The following PLEKHB1 variants were observed in gnomAD, a reference collection of about 807,000 sequenced individuals.
PLEKHB1 encodes the protein pleckstrin homology domain-containing family B member 1.
In PLEKHB1, 29 loss-of-function variants were observed where a neutral mutation model predicts 36.2. That is an observed-to-expected ratio of 0.80 (90% CI 0.60 to 1.09). The LOEUF (loss-of-function observed/expected upper bound fraction) is 1.09. PLEKHB1 is among the 50% of genes least tolerant of loss of function. The probability of loss-of-function intolerance (pLI) is 0.00; values close to 1 mark genes in which losing one functional copy is unlikely to be tolerated. For synonymous variants in PLEKHB1, 138 were observed against 140.0 expected (o/e 0.99, Z 0.10); for missense variants, 330 against 348.2 (o/e 0.95, Z 0.42).
intron 7 of PLEKHB1, 131 bp downstream of exon 7, chr11:73,660,983 T>C: frequency 1.2e-6 from 1 of 815,658 alleles, no homozygotes. Context: ...GGCAGAACTC[T>C]CCGCAAGCCC....
In PLEKHB1 at chr11:73,655,826, T is replaced by C. The variant is rs115623364; in HGVS notation, c.414T>C (p.Pro138=). ...STPAPAGATV[P]PRSRRVCSKV... is the part of the protein sequence containing the mutation. ...AGGCCCCAGCTGGAGCCACCGTCCC[T>C]CCCAGGAGCCGCCGGGTTTGCTCCA... The change falls in exon 6 of 8, where the codon CCT becomes CCC. Residue 138 remains proline (P), a synonymous_variant. Transcript: ENST00000354190. The C allele has an allele frequency of 1.2e-4, 189 of 1,613,556 alleles. No individual in the cohort carries two copies. The African/African-American group carries it at 2.3e-3, about 20-fold the overall frequency.
chr11:73,660,683 A>C (rs1945087105), intron 6 of PLEKHB1, 70 bp from the exon 7 acceptor site: 2 of 1,433,612 alleles, frequency 1.4e-6, no homozygotes, highest in African/African-American at 2.8e-5. Flanking sequence ...GGCCTGTGCC[A>C]GGCGTGGGGG....
At chr11:73,651,694 C>T (rs1944897763) in intron 3 of PLEKHB1, 94 bp from the exon 4 acceptor site, 5 of 972,348 alleles carry the variant, frequency 5.1e-6, no homozygotes, top group Non-Finnish European at 7.9e-6. Context: ...GTAAACAGAG[C>T]CCAGAGAAGT....
intron 6 of PLEKHB1, among the ~76,000 whole-genome samples, chr11:73,657,869 C>T (rs545429219): frequency 2.0e-5 from 3 of 152,212 alleles, no homozygotes; most frequent in South Asian, 2.1e-4. Flanking sequence ...CACTGACTTA[C>T]GACATTGCTT....
chr11:73,659,108 C>A (rs571454564), intron 6 of PLEKHB1, among the ~76,000 whole-genome samples: 1 of 152,110 alleles, frequency 6.6e-6, no homozygotes, highest in African/African-American at 2.4e-5. Context: ...AACCTGTAAT[C>A]TCAGTTACCT....
At chr11:73,648,681 C>G in intron 1 of PLEKHB1, 1 of 1,048,114 alleles carries the variant, frequency 9.5e-7, no homozygotes, top group African/African-American at 1.7e-5. Flanking sequence ...CTGCCTGCCT[C>G]ACAGACACAC....
intron 5 of PLEKHB1, among the ~76,000 whole-genome samples, chr11:73,654,724 A>T (rs1207167143): frequency 6.6e-6 from 1 of 152,202 alleles, no homozygotes; most frequent in Non-Finnish European, 1.5e-5. Context: ...TTATGCACAT[A>T]TGCATGCGTC....
chr11:73,661,517 G>A lies in PLEKHB1; in HGVS notation c.647G>A (p.Gly216Asp), dbSNP rs778926245. Residue 216 changes from glycine to aspartate, a missense_variant, in exon 8 of 8, where the codon GGC becomes GAC. Transcript: ENST00000354190. This position sits in a 1 kb window ranked among gnomAD's most constrained non-coding sequence, Gnocchi z 4.6. Reference protein sequence around the residue: ...IVREDPCYSAGAPLAMGMLAG... With the variant: ...IVREDPCYSADAPLAMGMLAG... ...CGGGAGGATCCCTGCTACAGCGCCGGCGCCCCTCTGGCCATGGGCATGCTT... is the reference window on the plus strand; with the variant it reads ...CGGGAGGATCCCTGCTACAGCGCCGACGCCCCTCTGGCCATGGGCATGCTT... 1 of 1,613,498 alleles carries A rather than the reference G, an allele frequency of 6.2e-7. No homozygotes were observed. Among genetic ancestry groups the A allele is most frequent in the South Asian group, 1.1e-5 (1 of 91,076 alleles).
Position 73,650,708 on chromosome 11 carries a change from GAGC to G in PLEKHB1, c.247+6_247+8del. 4.4e-6 allele frequency: 7 copies of G among 1,598,596 alleles called. No homozygotes were observed. Among genetic ancestry groups the G allele is most frequent in the Non-Finnish European group, 6.0e-6 (7 of 1,172,418 alleles). ...AAAGATCGGCCCAGAGTGCCATGGTGAGCAGAAGCCCCTTCCTCTGTGGCACCG... is the reference window on the plus strand; with the variant it reads ...AAAGATCGGCCCAGAGTGCCATGGTGAGAAGCCCCTTCCTCTGTGGCACCG... On this transcript the variant is annotated splice_donor_5th_base_variant and intron_variant, in intron 3 of 7. Coordinates refer to ENST00000354190, the MANE Select transcript of PLEKHB1 (RefSeq NM_021200.3).
intron 7 of PLEKHB1, 32 bp downstream of exon 7, chr11:73,660,884 C>T (rs1289159313): frequency 1.3e-6 from 2 of 1,546,286 alleles, no homozygotes; most frequent in Admixed American, 1.9e-5. Flanking sequence ...GGGCTTGCCT[C>T]GATCCAGCAC....
At chr11:73,649,672 G>C (rs1020349455) in intron 2 of PLEKHB1, among the ~76,000 whole-genome samples, 2 of 152,152 alleles carry the variant, frequency 1.3e-5, no homozygotes, top group Non-Finnish European at 2.9e-5. Flanking sequence ...TCAGAAGCTC[G>C]GTCTCGGGCT....
At chr11:73,656,878 C>A (rs570796155) in intron 6 of PLEKHB1, among the ~76,000 whole-genome samples, 5 of 152,338 alleles carry the variant, frequency 3.3e-5, no homozygotes, top group South Asian at 2.1e-4. Flanking sequence ...CCTGGCCAGG[C>A]CTGGTGGCTG....
chr11:73,648,438 G>C (rs1488340763), intron 1 of PLEKHB1, among the ~76,000 whole-genome samples: 1 of 152,186 alleles, frequency 6.6e-6, no homozygotes, highest in East Asian at 1.9e-4. Flanking sequence ...TACCCGGACA[G>C]AGTGCTCGGT....
rs770172093 is a variant in PLEKHB1 at position 73,655,830 on chromosome 11, A to C, written c.418A>C (p.Arg140=). The C allele has an allele frequency of 2.1e-5, 34 of 1,613,434 alleles. 1 individual carries two copies. In the Admixed American group the frequency reaches 4.8e-4, roughly 23 times the overall value. Residue 140 remains arginine (R), a synonymous_variant, in exon 6 of 8, where the codon AGG becomes CGG. Coordinates refer to ENST00000354190, the MANE Select transcript of PLEKHB1 (RefSeq NM_021200.3). Reference sequence around the variant, plus strand: ...CCCAGCTGGAGCCACCGTCCCTCCCAGGAGCCGCCGGGTTTGCTCCAAGGT... The same window carrying C: ...CCCAGCTGGAGCCACCGTCCCTCCCCGGAGCCGCCGGGTTTGCTCCAAGGT... ...PAPAGATVPP[R]SRRVCSKVRC... is the part of the protein sequence containing the mutation.
intron 2 of PLEKHB1, among the ~76,000 whole-genome samples, chr11:73,649,395 C>T (rs976786270): frequency 2.6e-5 from 4 of 152,100 alleles, no homozygotes; most frequent in African/African-American, 7.2e-5. Flanking sequence ...GTTTTCACGG[C>T]GCCTTACAGT....
At chr11:73,648,027 T>C (rs1565326854) in intron 1 of PLEKHB1, 5 of 976,466 alleles carry the variant, frequency 5.1e-6, no homozygotes, top group Middle Eastern at 5.2e-4. Context: ...AACCCTCAGT[T>C]TGTCCATCTG....
Position 73,661,492 on chromosome 11 carries a change from CG to C in PLEKHB1, c.625del (p.Glu209ArgfsTer43). ...AGPGVTHVIV[R>X]EDPCYSAGAP... ...CCCTGGCGTGACGCACGTGATAGTG[CG>C]GGAGGATCCCTGCTACAGCGCCGGC... is the stretch of plus-strand genomic sequence containing the variant. On this transcript the variant is annotated frameshift_variant, in exon 8 of 8. Coordinates refer to ENST00000354190, the MANE Select transcript of PLEKHB1 (RefSeq NM_021200.3). LOFTEE classifies it high-confidence loss of function. This position sits in a 1 kb window ranked among gnomAD's most constrained non-coding sequence, Gnocchi z 4.6. The C allele has an allele frequency of 6.2e-7, 1 of 1,613,774 alleles. No individual in the cohort carries two copies. Among genetic ancestry groups the C allele is most frequent in the South Asian group, 1.1e-5 (1 of 91,084 alleles).
intron 1 of PLEKHB1, among the ~76,000 whole-genome samples, chr11:73,647,139 C>T (rs181149626): frequency 1.3e-3 from 199 of 152,246 alleles, no homozygotes; most frequent in African/African-American, 4.6e-3. Context: ...AATTTCGGGT[C>T]GCCTAGGAAA....
At chr11:73,653,297 G>A (rs1004120231) in intron 5 of PLEKHB1, 2 of 656,174 alleles carry the variant, frequency 3.0e-6, no homozygotes, top group Non-Finnish European at 2.8e-6. Flanking sequence ...TGTGCCAGGT[G>A]TGGTGCAGGT....
Sources: gnomAD v4.1 joint callset for allele counts (sites outside exome capture counted in the v4.1 genomes callset) on GRCh38, gnomAD v4.1.1 for gene constraint, Gnocchi (gnomAD v3.1) non-coding constraint, MANE v1.5 for transcripts, NCBI Gene and HGNC (gene_info 2026-07-23, HGNC 2026-07-21) for gene names.